TNS3: variants seen among roughly 807,000 people sequenced by gnomAD.
TNS3 encodes tensin 3, also known as tensin-3.
Under a neutral mutation model 140.9 loss-of-function variants are expected in TNS3, and 45 were observed. The ratio of observed to expected loss-of-function variants is 0.32; its 90% CI spans 0.25 to 0.41. The LOEUF (loss-of-function observed/expected upper bound fraction) is 0.41, where lower values mean the gene tolerates loss of function less well. Ranked by LOEUF, TNS3 falls within the 10% of genes least tolerant of loss-of-function variation. The pLI is 1.00. For synonymous variants in TNS3, 815 were observed against 788.4 expected, an observed-to-expected ratio of 1.03 and a Z score of -0.56; for missense variants, 1,716 against 1,906.7, an observed-to-expected ratio of 0.90 and a Z score of 1.86.
At chr7:47,541,076 C>G (rs1222890193) in intron 1 of TNS3, among the ~76,000 whole-genome samples, 1 of 152,110 alleles carries the variant, frequency 6.6e-6, no homozygotes, top group Admixed American at 6.6e-5. Context: ...GGGCAACAGC[C>G]CTAGAAACAC....
chr7:47,331,246 G>C (rs1462567823), intron 20 of TNS3, among the ~76,000 whole-genome samples: 1 of 152,156 alleles, frequency 6.6e-6, no homozygotes, highest in Non-Finnish European at 1.5e-5. Flanking sequence ...AAAACTAAGA[G>C]GGATACTAGA....
chr7:47,526,631 C>T (rs984922314), intron 2 of TNS3, among the ~76,000 whole-genome samples: 2 of 152,252 alleles, frequency 1.3e-5, no homozygotes, highest in Non-Finnish European at 2.9e-5. Context: ...TAGCATCTGA[C>T]AGGCAGAAGT....
intron 4 of TNS3, among the ~76,000 whole-genome samples, chr7:47,470,906 C>T (rs904238728): frequency 1.3e-5 from 2 of 152,038 alleles, no homozygotes; most frequent in African/African-American, 4.8e-5. Context: ...AGGGAGAGCG[C>T]CTGCTTGTGT....
intron 1 of TNS3, among the ~76,000 whole-genome samples, chr7:47,577,805 G>T (rs1800709247): frequency 6.6e-6 from 1 of 152,082 alleles, no homozygotes; most frequent in Non-Finnish European, 1.5e-5. Flanking sequence ...GTTTGCAGAG[G>T]GCTCCCAGGG....
At chr7:47,283,902 C>G (rs1346681478) in intron 27 of TNS3, 37 bp from the exon 28 acceptor site, 1 of 1,530,502 alleles carries the variant, frequency 6.5e-7, no homozygotes, top group Non-Finnish European at 8.8e-7. Context: ...TTAGTTGCAA[C>G]TATTGGGACA....
At chr7:47,338,832 A>AT (rs1216289703) in intron 20 of TNS3, among the ~76,000 whole-genome samples, 3 of 151,874 alleles carry the variant, frequency 2.0e-5, no homozygotes, top group Non-Finnish European at 2.9e-5. Flanking sequence ...TGGTAGAATG[A>AT]TTTTTTTTCT....
intron 17 of TNS3, among the ~76,000 whole-genome samples, chr7:47,357,803 T>A (rs1790080410): frequency 6.6e-6 from 1 of 152,172 alleles, no homozygotes; most frequent in Non-Finnish European, 1.5e-5. Context: ...GAAAATTCTT[T>A]CCACTGGGAA....
chr7:47,579,302 G>C (rs894278908), intron 1 of TNS3: 2 of 7,792 alleles, frequency 2.6e-4, no homozygotes, highest in African/African-American at 2.7e-4. Flanking sequence ...CCTACAGGAA[G>C]GACCCGGGGT....
intron 9 of TNS3, 64 bp from the exon 10 acceptor site, chr7:47,424,248 C>A: frequency 2.0e-6 from 3 of 1,537,810 alleles, no homozygotes; most frequent in Non-Finnish European, 2.7e-6. Context: ...GGGTACTTGA[C>A]GGGGGATGTG....
intron 4 of TNS3, among the ~76,000 whole-genome samples, chr7:47,467,836 C>G (rs1294679639): frequency 2.0e-5 from 3 of 152,164 alleles, no homozygotes; most frequent in Non-Finnish European, 4.4e-5. Flanking sequence ...GGCTCCTGGA[C>G]CAAGCCAGCT....
intron 16 of TNS3, among the ~76,000 whole-genome samples, chr7:47,375,130 T>C (rs940669677): frequency 1.3e-5 from 2 of 152,246 alleles, no homozygotes; most frequent in Admixed American, 6.5e-5. Flanking sequence ...CAACCCTCAT[T>C]CTGCAAATTC....
chr7:47,308,029 C>T (rs1177596141), intron 20 of TNS3, among the ~76,000 whole-genome samples: 3 of 152,128 alleles, frequency 2.0e-5, no homozygotes, highest in Admixed American at 1.3e-4. Flanking sequence ...AATCCAGTCA[C>T]AAAACATGTT....
chr7:47,466,757 G>A (rs1010731107), intron 4 of TNS3, among the ~76,000 whole-genome samples: 5 of 152,202 alleles, frequency 3.3e-5, no homozygotes, highest in Non-Finnish European at 5.9e-5. Context: ...CCAGAGCCTA[G>A]AGCCAGACAG....
At chr7:47,426,076 T>C (rs888521347) in intron 9 of TNS3, among the ~76,000 whole-genome samples, 2 of 145,126 alleles carry the variant, frequency 1.4e-5, no homozygotes, top group South Asian at 2.2e-4. Context: ...AGGTCAGGAG[T>C]TCAAGACCAG....
At chr7:47,328,555 A>G (rs1443564287) in intron 20 of TNS3, among the ~76,000 whole-genome samples, 1 of 149,110 alleles carries the variant, frequency 6.7e-6, no homozygotes, top group Non-Finnish European at 1.5e-5. Context: ...AGAGGCTTCC[A>G]GCAACTAGCC....
At chr7:47,486,207 CAGTAGTT>C (rs1325967773) in intron 3 of TNS3, among the ~76,000 whole-genome samples, 1 of 151,838 alleles carries the variant, frequency 6.6e-6, no homozygotes, top group Non-Finnish European at 1.5e-5. Context: ...GTGGGTGAGT[CAGTAGTT>C]ATGTGCATGG....
At chr7:47,545,704 G>C (rs1799903092) in intron 1 of TNS3, among the ~76,000 whole-genome samples, 1 of 152,186 alleles carries the variant, frequency 6.6e-6, no homozygotes, top group South Asian at 2.1e-4. Context: ...CACCTCCCCA[G>C]TTTCTTCCTG....
intron 16 of TNS3, among the ~76,000 whole-genome samples, chr7:47,380,823 A>G (rs1450416622): frequency 6.6e-6 from 1 of 152,066 alleles, no homozygotes; most frequent in African/African-American, 2.4e-5. Context: ...AAAACAGCCC[A>G]GCGGCTCTCT....
At chr7:47,582,290 C>G, upstream of TNS3, 1 of 372,686 alleles carries the variant, frequency 2.7e-6, no homozygotes, top group Non-Finnish European at 5.3e-6. Flanking sequence ...ACCGGGGTCC[C>G]CCGCCCTGCC....
Sources: allele counts gnomAD v4.1 joint callset (sites outside exome capture counted in the v4.1 genomes callset), GRCh38; gene constraint gnomAD v4.1.1; transcripts MANE v1.5; gene names NCBI Gene and HGNC (gene_info 2026-07-23, HGNC 2026-07-21).